Variants in SH3GL2 observed in about 807,000 individuals in gnomAD.
SH3GL2 encodes endophilin-A1.
In SH3GL2, 24 loss-of-function variants were observed where a neutral mutation model predicts 46.0. The observed-to-expected ratio is 0.52, with a 90% CI of 0.38 to 0.73. The LOEUF (loss-of-function observed/expected upper bound fraction) is 0.73. SH3GL2 is among the 30% of genes least tolerant of loss of function. The probability of loss-of-function intolerance (pLI) is 0.00; values close to 1 mark genes in which losing one functional copy is unlikely to be tolerated. For synonymous variants in SH3GL2, 196 were observed against 147.1 expected (o/e 1.33, Z -2.40); for missense variants, 413 against 424.2 (o/e 0.97, Z 0.23).
At position 17,796,288 on chromosome 9, in the gene SH3GL2, G is replaced by A. The variant is rs1008258505; in HGVS notation, c.*545G>A. On this transcript the variant is annotated 3_prime_UTR_variant, in exon 9 of 9. Coordinates refer to ENST00000380607, the MANE Select transcript of SH3GL2 (RefSeq NM_003026.5). ...GAAAAGTGTTAATTGTGGGTTCAAA[G>A]CATTCTCTGCAAATAGGCATCTCAG... The A allele has an allele frequency of 6.5e-6, 1 of 152,896 alleles. No individual in the cohort carries two copies. Among genetic ancestry groups the A allele is most frequent in the Non-Finnish European group, 1.5e-5 (1 of 68,278 alleles). The allele number at this position is 152,896 out of a possible 1,614,324, so 9.5% of individuals were successfully genotyped here.
At chr9:17,730,537 G>A (rs535274234) in intron 1 of SH3GL2, among the ~76,000 whole-genome samples, 6 of 152,114 alleles carry the variant, frequency 3.9e-5, no homozygotes, top group African/African-American at 7.2e-5. Flanking sequence ...ATCTTGTGCC[G>A]GTTTTCAAAG....
At chr9:17,712,935 T>G (rs1157173176) in intron 1 of SH3GL2, among the ~76,000 whole-genome samples, 2 of 146,626 alleles carry the variant, frequency 1.4e-5, no homozygotes, top group Admixed American at 7.1e-5. Context: ...AACATCCTTG[T>G]GAACATTCTT....
At chr9:17,729,892 A>G (rs1822124993) in intron 1 of SH3GL2, among the ~76,000 whole-genome samples, 2 of 152,142 alleles carry the variant, frequency 1.3e-5, no homozygotes. Flanking sequence ...GTCATGTGGC[A>G]TGATGCCTCC....
intron 2 of SH3GL2, among the ~76,000 whole-genome samples, chr9:17,752,741 G>C (rs1015770278): frequency 6.6e-6 from 1 of 152,028 alleles, no homozygotes; most frequent in African/African-American, 2.4e-5. Context: ...AGGGGTACAC[G>C]TGCACGTTTG....
intron 1 of SH3GL2, among the ~76,000 whole-genome samples, chr9:17,704,519 C>G (rs148434744): frequency 1.3e-5 from 2 of 152,114 alleles, no homozygotes; most frequent in East Asian, 3.9e-4. Context: ...CATCGCATTA[C>G]CTGACTTCAA....
chr9:17,619,411 C>G (rs529162984), intron 1 of SH3GL2, among the ~76,000 whole-genome samples: 9 of 152,334 alleles, frequency 5.9e-5, no homozygotes, highest in Admixed American at 2.0e-4. Context: ...GGCATGGTGG[C>G]TCACGCCTGT....
intron 1 of SH3GL2, among the ~76,000 whole-genome samples, chr9:17,615,530 C>G (rs937558771): frequency 2.0e-5 from 3 of 151,856 alleles, no homozygotes; most frequent in East Asian, 3.9e-4. Context: ...CAGCGGGCGC[C>G]TGTAATCCCA....
At chr9:17,721,838 A>G (rs1370197958) in intron 1 of SH3GL2, among the ~76,000 whole-genome samples, 6 of 152,012 alleles carry the variant, frequency 3.9e-5, no homozygotes, top group African/African-American at 1.4e-4. Context: ...ATTTATCTGT[A>G]TGTGTATATC....
At chr9:17,753,338 A>T (rs9407829) in intron 2 of SH3GL2, among the ~76,000 whole-genome samples, 8,439 of 152,224 alleles carry the variant, frequency 0.055, 724 homozygotes, top group African/African-American at 0.19. Context: ...GTGTATAAGC[A>T]TTCCTTTTTC....
At chr9:17,679,928 C>T (rs577672136) in intron 1 of SH3GL2, among the ~76,000 whole-genome samples, 30 of 152,180 alleles carry the variant, frequency 2.0e-4, no homozygotes, top group African/African-American at 4.8e-4. Context: ...TGCTGGATTA[C>T]GTTTATTGAT....
chr9:17,737,677 T>C (rs1351860356), intron 1 of SH3GL2, among the ~76,000 whole-genome samples: 2 of 152,138 alleles, frequency 1.3e-5, no homozygotes, highest in Non-Finnish European at 1.5e-5. Flanking sequence ...CCCTTTACTT[T>C]CTGTTTTTTG....
intron 1 of SH3GL2, among the ~76,000 whole-genome samples, chr9:17,724,049 CTA>C (rs1821961075): frequency 2.0e-5 from 3 of 152,120 alleles, no homozygotes; most frequent in African/African-American, 7.2e-5. Flanking sequence ...AAATTTTTAG[CTA>C]TGATTTCTTT....
chr9:17,584,125 C>A (rs1818326149), intron 1 of SH3GL2, among the ~76,000 whole-genome samples: 1 of 152,140 alleles, frequency 6.6e-6, no homozygotes, highest in Non-Finnish European at 1.5e-5. Flanking sequence ...TTTATACATG[C>A]ATTTTTCTGA....
In SH3GL2 at chr9:17,761,316, T is replaced by C. The variant is rs1823164391; in HGVS notation, c.115-121T>C. 7.2e-6 allele frequency: 5 copies of C among 690,968 alleles called. No individual in the cohort carries two copies. In the South Asian group the frequency reaches 8.2e-5, roughly 11 times the overall value. The allele number at this position is 690,968 out of a possible 1,614,324, so 42.8% of individuals were successfully genotyped here. A position where few individuals can be genotyped will look rare whatever the true frequency, so the allele number is the denominator to read the frequency against. On this transcript the variant is annotated intron_variant, in intron 2 of 8. Coordinates refer to ENST00000380607, the MANE Select transcript of SH3GL2 (RefSeq NM_003026.5). ...CAGCCGCGTCTCAGCCTCCCTCACC[T>C]ACTGCGGGACTTGTCCGGGGCTCTG...
chr9:17,722,876 C>T (rs1821929783), intron 1 of SH3GL2, among the ~76,000 whole-genome samples: 2 of 152,156 alleles, frequency 1.3e-5, no homozygotes, highest in South Asian at 4.2e-4. Flanking sequence ...ATCCAGGGCA[C>T]CCTAAATGGA....
At position 17,793,513 on chromosome 9, in the gene SH3GL2, G is replaced by T. The variant is rs544793446; in HGVS notation, c.859+16G>T. 3.1e-6 allele frequency: 5 copies of T among 1,612,276 alleles called. No homozygotes were observed. In the East Asian group the frequency reaches 1.1e-4, roughly 36 times the overall value. On this transcript the variant is annotated intron_variant, in intron 8 of 8. Coordinates refer to ENST00000380607, the MANE Select transcript of SH3GL2 (RefSeq NM_003026.5). ...AAACCTTCAGGTAAGAGCTGAAACT[G>T]CAGATCCTATTGCATAGCCCTTGGC...
At chr9:17,632,950 G>A (rs983266331) in intron 1 of SH3GL2, among the ~76,000 whole-genome samples, 2 of 152,202 alleles carry the variant, frequency 1.3e-5, no homozygotes, top group African/African-American at 4.8e-5. Flanking sequence ...GAAAAAAGGA[G>A]AGTATTAGCC....
At chr9:17,584,841 T>C (rs1358373514) in intron 1 of SH3GL2, among the ~76,000 whole-genome samples, 1 of 152,226 alleles carries the variant, frequency 6.6e-6, no homozygotes, top group African/African-American at 2.4e-5. Context: ...CTGAGAGTCC[T>C]CGTGATTGAA....
At chr9:17,669,075 T>C (rs1820410352) in intron 1 of SH3GL2, among the ~76,000 whole-genome samples, 1 of 152,232 alleles carries the variant, frequency 6.6e-6, no homozygotes, top group South Asian at 2.1e-4. Context: ...TTTCTCTGTT[T>C]ATGTAATACC....
Sources: gnomAD v4.1 joint callset for allele counts (sites outside exome capture counted in the v4.1 genomes callset) on GRCh38, gnomAD v4.1.1 for gene constraint, MANE v1.5 for transcripts, NCBI Gene and HGNC (gene_info 2026-07-23, HGNC 2026-07-21) for gene names.